Variants in APAF1 observed in about 807,000 individuals in gnomAD.
The protein encoded by APAF1 is apoptotic peptidase activating factor 1.
APAF1 carries 91 observed loss-of-function variants against 152.4 expected under a neutral mutation model. That is an observed-to-expected ratio of 0.60 (90% CI 0.50 to 0.71). The LOEUF (loss-of-function observed/expected upper bound fraction) is 0.71, where lower values mean the gene tolerates loss of function less well. APAF1 is among the 30% of genes least tolerant of loss of function. APAF1 has a pLI of 0.00. For missense variants in APAF1, 1,283 were observed against 1,472.0 expected (o/e 0.87, Z 2.10); for synonymous variants, 484 against 494.1 (o/e 0.98, Z 0.27).
intron 22 of APAF1, among the ~76,000 whole-genome samples, chr12:98,717,298 G>A (rs1456970179): frequency 1.1e-4 from 17 of 151,498 alleles, no homozygotes; most frequent in Non-Finnish European, 4.4e-5. Context: ...TTATCTCTCT[G>A]AGGAGATATA....
At chr12:98,725,380 T>A (rs372682086) in intron 24 of APAF1, 35 bp from the exon 25 acceptor site, 5 of 1,613,394 alleles carry the variant, frequency 3.1e-6, no homozygotes, top group Non-Finnish European at 4.2e-6. Context: ...TTTGAGTGTT[T>A]ATAGCATTGC....
chr12:98,715,356 A>G (rs1300853276), intron 21 of APAF1, 71 bp from the exon 22 acceptor site: 1 of 1,485,438 alleles, frequency 6.7e-7, no homozygotes, highest in Non-Finnish European at 9.2e-7. Context: ...TTTTAGTTTA[A>G]TATCTTTGGG....
At chr12:98,651,702 C>A (rs912093392) in intron 4 of APAF1, among the ~76,000 whole-genome samples, 3 of 152,030 alleles carry the variant, frequency 2.0e-5, no homozygotes, top group African/African-American at 7.2e-5. Flanking sequence ...ACCCTGTTGC[C>A]CAGGCTGAGT....
At chr12:98,720,958 C>G (rs1266682119) in intron 22 of APAF1, among the ~76,000 whole-genome samples, 1 of 150,932 alleles carries the variant, frequency 6.6e-6, no homozygotes, top group East Asian at 1.9e-4. Context: ...CAGAGCAAGA[C>G]TCTGTCTCAA....
intron 26 of APAF1, among the ~76,000 whole-genome samples, chr12:98,727,901 A>G (rs11109584): frequency 0.073 from 11,092 of 151,954 alleles, 1,309 homozygotes; most frequent in African/African-American, 0.25. Context: ...AGATCACACC[A>G]TTGCACTGCA....
At chr12:98,691,100 A>G (rs1360303359) in intron 16 of APAF1, among the ~76,000 whole-genome samples, 1 of 152,134 alleles carries the variant, frequency 6.6e-6, no homozygotes, top group African/African-American at 2.4e-5. Context: ...CCAACTACTC[A>G]GGAGGCTGAG....
At chr12:98,679,317 T>G (rs1438125400) in intron 13 of APAF1, among the ~76,000 whole-genome samples, 2 of 152,122 alleles carry the variant, frequency 1.3e-5, no homozygotes, top group Non-Finnish European at 2.9e-5. Context: ...TCTCTGCTGA[T>G]AGCTGAACAC....
intron 19 of APAF1, among the ~76,000 whole-genome samples, chr12:98,707,135 A>G (rs1006352083): frequency 6.6e-6 from 1 of 152,102 alleles, no homozygotes; most frequent in African/African-American, 2.4e-5. Flanking sequence ...ATTTTTGCTC[A>G]AAAATAAGAT....
intron 21 of APAF1, among the ~76,000 whole-genome samples, chr12:98,712,980 G>A (rs1478708521): frequency 6.6e-6 from 1 of 151,754 alleles, no homozygotes; most frequent in Non-Finnish European, 1.5e-5. Context: ...ACCACACCTA[G>A]CTAATTTTTC....
At chr12:98,731,156 CTTGA>C (rs2097760649) in intron 26 of APAF1, among the ~76,000 whole-genome samples, 1 of 152,138 alleles carries the variant, frequency 6.6e-6, no homozygotes, top group Admixed American at 6.5e-5. Flanking sequence ...ACTTCTGTGC[CTTGA>C]TTTTCTTATC....
chr12:98,733,702 G>C lies in APAF1; in HGVS notation c.*1136G>C, dbSNP rs1306403221. ...TCCTGCCTCAGCCTCCCAAAGTGTT[G>C]GGATTGCAGATATGAGCCACTGGCC... On this transcript the variant is annotated 3_prime_UTR_variant, in exon 27 of 27. Transcript: ENST00000551964. The C allele has an allele frequency of 6.6e-6, 1 of 152,428 alleles. No homozygotes were observed. The highest frequency in any genetic ancestry group is 1.5e-5 in the Non-Finnish European group (1 of 68,226). 9.4% of individuals were successfully genotyped at this position (152,428 alleles called of 1,614,324 possible).
chr12:98,649,991 T>TAGA (rs1235357345), intron 4 of APAF1, among the ~76,000 whole-genome samples: 1 of 151,976 alleles, frequency 6.6e-6, no homozygotes, highest in Non-Finnish European at 1.5e-5. Context: ...GCATACTGGG[T>TAGA]AGAAGAGGGT....
In APAF1 at chr12:98,671,491, C is replaced by T. The variant is rs754839203; in HGVS notation, c.1609-44C>T. On this transcript the variant is annotated intron_variant, in intron 11 of 26. Coordinates refer to ENST00000551964, the MANE Select transcript of APAF1 (RefSeq NM_181861.2). ...TCACAGAAATGGAAAAATGTCAGATCGTGGCTCTGATTGTGTTTCTAAGAG... is the reference window on the plus strand; with the variant it reads ...TCACAGAAATGGAAAAATGTCAGATTGTGGCTCTGATTGTGTTTCTAAGAG... 12 of 1,563,252 alleles carry T rather than the reference C, an allele frequency of 7.7e-6. No individual in the cohort carries two copies. In the Admixed American group the frequency reaches 8.3e-5, roughly 11 times the overall value.
chr12:98,713,403 G>C (rs1484031669), intron 21 of APAF1, among the ~76,000 whole-genome samples: 1 of 152,066 alleles, frequency 6.6e-6, no homozygotes, highest in East Asian at 1.9e-4. Flanking sequence ...TTTCCATTTC[G>C]GTACTGATAA....
chr12:98,717,383 G>GA (rs2097736098), intron 22 of APAF1, among the ~76,000 whole-genome samples: 1 of 146,314 alleles, frequency 6.8e-6, no homozygotes. Context: ...ATTTTTTTTT[G>GA]TTTTTTTTTG....
chr12:98,650,495 GT>G (rs943164157), intron 4 of APAF1, among the ~76,000 whole-genome samples: 1 of 149,906 alleles, frequency 6.7e-6, no homozygotes, highest in Non-Finnish European at 1.5e-5. Context: ...TCAAAAAAAA[GT>G]TTTTTGTTTT....
At chr12:98,726,583 G>A (rs1429417600) in intron 25 of APAF1, 1 of 154,012 alleles carries the variant, frequency 6.5e-6, no homozygotes, top group African/African-American at 2.4e-5. Context: ...CTCTCTACCA[G>A]TCACATAAAT....
chr12:98,680,381 C>T lies in APAF1; in HGVS notation c.2025C>T (p.Cys675=). The change falls in exon 14 of 27, where the codon TGC becomes TGT. Residue 675 remains cysteine (C), a synonymous_variant. Transcript: ENST00000551964. Reference sequence around the variant, plus strand: ...CAGATGACAGATTTATAGCAACCTGCTCAGTGGATAAAAAAGTGAAGGTAG... The same window carrying T: ...CAGATGACAGATTTATAGCAACCTGTTCAGTGGATAAAAAAGTGAAGGTAG... ...FSTDDRFIAT[C]SVDKKVKIWN... 6.2e-7 allele frequency: 1 copy of T among 1,613,588 alleles called. No individual in the cohort carries two copies.
intron 8 of APAF1, 149 bp downstream of exon 8, chr12:98,665,940 T>TA (rs2097672136): frequency 2.6e-6 from 2 of 779,658 alleles, no homozygotes; most frequent in Non-Finnish European, 2.2e-6. Flanking sequence ...CCTCTGCTGT[T>TA]AGCTTCCATT....
Sources: gnomAD v4.1 joint callset for allele counts (sites outside exome capture counted in the v4.1 genomes callset) on GRCh38, gnomAD v4.1.1 for gene constraint, MANE v1.5 for transcripts, NCBI Gene and HGNC (gene_info 2026-07-23, HGNC 2026-07-21) for gene names.